PTPRK: variants seen among roughly 807,000 people sequenced by gnomAD.
PTPRK encodes protein tyrosine phosphatase receptor type K.
In PTPRK, 75 loss-of-function variants were observed where a neutral mutation model predicts 178.0. That is an observed-to-expected ratio of 0.42 (90% CI 0.35 to 0.51). PTPRK has a LOEUF of 0.51. Ranked by LOEUF, PTPRK falls within the 20% of genes least tolerant of loss-of-function variation. The pLI is 0.02. For missense variants in PTPRK, 1,441 were observed against 1,797.8 expected, an observed-to-expected ratio of 0.80 and a Z score of 3.59; for synonymous variants, 637 against 620.6, an observed-to-expected ratio of 1.03 and a Z score of -0.39.
At chr6:128,345,786 T>C (rs1214818356) in intron 2 of PTPRK, among the ~76,000 whole-genome samples, 3 of 152,174 alleles carry the variant, frequency 2.0e-5, no homozygotes, top group Non-Finnish European at 4.4e-5. Flanking sequence ...ACATCTGGTT[T>C]CCCATTAAGG....
At chr6:128,338,065 TTA>T (rs1426758888) in intron 2 of PTPRK, among the ~76,000 whole-genome samples, 3 of 152,136 alleles carry the variant, frequency 2.0e-5, no homozygotes, top group Non-Finnish European at 4.4e-5. Context: ...ATCTTAAATG[TTA>T]TAGTTAAACA....
chr6:128,405,399 A>G (rs1841533587), intron 1 of PTPRK, among the ~76,000 whole-genome samples: 1 of 152,230 alleles, frequency 6.6e-6, no homozygotes, highest in Admixed American at 6.5e-5. Context: ...CCCAAAGATC[A>G]TTAGTGAGTA....
chr6:128,518,601 T>C (rs1858452870), intron 1 of PTPRK, among the ~76,000 whole-genome samples: 1 of 152,166 alleles, frequency 6.6e-6, no homozygotes, highest in Admixed American at 6.5e-5. Flanking sequence ...TGTGCAGAAA[T>C]CAATACTCAC....
intron 2 of PTPRK, among the ~76,000 whole-genome samples, chr6:128,395,886 T>C (rs2128367785): frequency 6.6e-6 from 1 of 152,196 alleles, no homozygotes; most frequent in African/African-American, 2.4e-5. Flanking sequence ...AAAAGCAAAT[T>C]TAATTCATTC....
At chr6:128,190,631 T>C (rs886549134) in intron 6 of PTPRK, among the ~76,000 whole-genome samples, 2 of 150,968 alleles carry the variant, frequency 1.3e-5, no homozygotes, top group Admixed American at 6.6e-5. Context: ...CCCAAGTAGC[T>C]GGGATTACAG....
chr6:128,518,135 G>A (rs1443415246), intron 1 of PTPRK, among the ~76,000 whole-genome samples: 1 of 152,144 alleles, frequency 6.6e-6, no homozygotes, highest in Non-Finnish European at 1.5e-5. Context: ...TCATTTCTGG[G>A]CATACATTCC....
intron 3 of PTPRK, among the ~76,000 whole-genome samples, chr6:128,263,347 A>G (rs965451061): frequency 6.6e-6 from 1 of 152,166 alleles, no homozygotes; most frequent in Admixed American, 6.6e-5. Context: ...CAGTGAGCCC[A>G]GTAGTCTGCT....
At chr6:128,434,074 C>A (rs2128395779) in intron 1 of PTPRK, among the ~76,000 whole-genome samples, 1 of 151,768 alleles carries the variant, frequency 6.6e-6, no homozygotes, top group East Asian at 1.9e-4. Context: ...ACAAACCCAT[C>A]TTGATTCCAT....
At chr6:128,001,192 T>C (rs1268575004) in intron 15 of PTPRK, 1 of 1,531,106 alleles carries the variant, frequency 6.5e-7, no homozygotes, top group East Asian at 2.5e-5. Context: ...TGCAATACAC[T>C]TACCTGTTAT....
intron 1 of PTPRK, among the ~76,000 whole-genome samples, chr6:128,430,900 A>G (rs890724812): frequency 6.6e-6 from 1 of 152,008 alleles, no homozygotes; most frequent in African/African-American, 2.4e-5. Flanking sequence ...AAACATTTAA[A>G]GAAATCTTTA....
chr6:128,003,132 G>T, intron 15 of PTPRK: 2 of 1,474,034 alleles, frequency 1.4e-6, no homozygotes, highest in African/African-American at 1.4e-5. Context: ...ATCTCTATGT[G>T]GGCAAACCCA....
intron 1 of PTPRK, among the ~76,000 whole-genome samples, chr6:128,476,568 AT>A (rs1237484960): frequency 6.6e-6 from 1 of 152,068 alleles, no homozygotes; most frequent in Admixed American, 6.6e-5. Context: ...TGTATAAACA[AT>A]ACACTGGAGA....
intron 2 of PTPRK, among the ~76,000 whole-genome samples, chr6:128,333,177 G>C (rs1830489967): frequency 6.6e-6 from 1 of 152,156 alleles, no homozygotes; most frequent in Non-Finnish European, 1.5e-5. Flanking sequence ...GGTAAGAGAA[G>C]GTAGTGTGGC....
chr6:128,181,664 T>C (rs1005989660), intron 7 of PTPRK, among the ~76,000 whole-genome samples: 3 of 152,102 alleles, frequency 2.0e-5, no homozygotes, highest in African/African-American at 7.2e-5. Context: ...GTTAATATCA[T>C]AGTTAACATA....
intron 2 of PTPRK, among the ~76,000 whole-genome samples, chr6:128,357,295 A>C (rs1834091173): frequency 6.6e-6 from 1 of 152,216 alleles, no homozygotes; most frequent in Non-Finnish European, 1.5e-5. Context: ...GTAACTGTTT[A>C]ATCAGCTATG....
chr6:128,440,576 A>T (rs1407273927), intron 1 of PTPRK, among the ~76,000 whole-genome samples: 1 of 152,206 alleles, frequency 6.6e-6, no homozygotes, highest in African/African-American at 2.4e-5. Flanking sequence ...TTGTGAATCC[A>T]TCCTTAATTT....
chr6:128,474,588 T>C (rs1042776042), intron 1 of PTPRK, among the ~76,000 whole-genome samples: 2 of 152,110 alleles, frequency 1.3e-5, no homozygotes, highest in Admixed American at 6.6e-5. Flanking sequence ...TCAATGGCTC[T>C]GTCCATCAAA....
At chr6:128,052,645 T>C (rs572718125) in intron 13 of PTPRK, among the ~76,000 whole-genome samples, 1 of 152,346 alleles carries the variant, frequency 6.6e-6, no homozygotes, top group South Asian at 2.1e-4. Context: ...CCAACATGGA[T>C]ACTGTTCACC....
chr6:128,055,696 C>T (rs148520048), intron 13 of PTPRK, among the ~76,000 whole-genome samples: 3,380 of 152,168 alleles, frequency 0.022, 62 homozygotes, highest in Middle Eastern at 0.078. Flanking sequence ...AACTCCTGGG[C>T]TCAAATGATC....
Sources: allele counts gnomAD v4.1 joint callset (sites outside exome capture counted in the v4.1 genomes callset), GRCh38; gene constraint gnomAD v4.1.1; transcripts MANE v1.5; gene names NCBI Gene and HGNC (gene_info 2026-07-23, HGNC 2026-07-21).